The following C20orf203 variants were observed in gnomAD, a reference collection of about 807,000 sequenced individuals.
C20orf203 encodes uncharacterized protein C20orf203.
In C20orf203, 16 loss-of-function variants were observed where a neutral mutation model predicts 15.9. The observed-to-expected ratio is 1.01, with a 90% CI of 0.68 to 1.53. The LOEUF (loss-of-function observed/expected upper bound fraction) is 1.53. C20orf203 is among the 40% of genes most tolerant of loss of function. C20orf203 has a pLI of 0.00. For missense variants in C20orf203, 263 were observed against 247.5 expected (o/e 1.06, Z -0.42); for synonymous variants, 98 against 97.2 (o/e 1.01, Z -0.05).
rs1485353419 is a variant in C20orf203 at position 32,632,634 on chromosome 20, C to T, written c.*2936G>A. ...TCCACAGCAGTACACGGGACCGCCTCGTTCTTTTTCATGCCTAGAATTCCA... is the reference window on the plus strand; with the variant it reads ...TCCACAGCAGTACACGGGACCGCCTTGTTCTTTTTCATGCCTAGAATTCCA... On this transcript the variant is annotated 3_prime_UTR_variant, in exon 6 of 6. Coordinates refer to ENST00000608990, the MANE Select transcript of C20orf203 (RefSeq NM_182584.4). 2.0e-5 allele frequency: 3 copies of T among 152,124 alleles called. No individual in the cohort carries two copies. Among genetic ancestry groups the T allele is most frequent in the Admixed American group, 6.5e-5 (1 of 15,276 alleles). The allele number at this position is 152,124 out of a possible 1,614,324, so 9.4% of individuals were successfully genotyped here.
chr20:32,646,175 A>ATTTTTTTTTTTTTTTTTTTTTTTTTTTT (rs555458436), intron 4 of C20orf203, among the ~76,000 whole-genome samples: 1 of 105,912 alleles, frequency 9.4e-6, no homozygotes, highest in Non-Finnish European at 2.0e-5. Context: ...CTTGATCCCA[A>ATTTTTTTTTTTTTTTTTTTTTTTTTTTT]TTTTTTTTTT....
rs947254929 is a variant in C20orf203, at chr20:32,631,782, G to A, written c.*3788C>T. The A allele has an allele frequency of 6.6e-5, 10 of 152,242 alleles. No individual in the cohort carries two copies. The highest frequency in any genetic ancestry group is 2.6e-4 in the Admixed American group (4 of 15,288). The allele number at this position is 152,242 out of a possible 1,614,324, so 9.4% of individuals were successfully genotyped here. On this transcript the variant is annotated 3_prime_UTR_variant, in exon 6 of 6. Coordinates refer to ENST00000608990, the MANE Select transcript of C20orf203 (RefSeq NM_182584.4). ...GAGCCTGAAGCAGGGCTCAGTCTGG[G>A]CGCTCATAAGAGGCAGGGTCTGTGG...
intron 1 of C20orf203, among the ~76,000 whole-genome samples, chr20:32,669,584 T>A (rs1983114106): frequency 6.6e-6 from 1 of 152,112 alleles, no homozygotes; most frequent in Non-Finnish European, 1.5e-5. Context: ...AAACGACAAA[T>A]GGTGCTGGAA....
intron 5 of C20orf203, among the ~76,000 whole-genome samples, chr20:32,636,152 G>A (rs139071902): frequency 0.01 from 1,549 of 152,276 alleles, 33 homozygotes; most frequent in African/African-American, 0.034. Flanking sequence ...TGAGCTGCTG[G>A]GGGAAGGACC....
intron 1 of C20orf203, among the ~76,000 whole-genome samples, chr20:32,663,649 A>C (rs980319916): frequency 6.6e-6 from 1 of 152,264 alleles, no homozygotes; most frequent in Admixed American, 6.5e-5. Flanking sequence ...ATTTATAATT[A>C]GACATAAACC....
At chr20:32,660,743 G>A (rs1302332328) in intron 1 of C20orf203, among the ~76,000 whole-genome samples, 1 of 152,108 alleles carries the variant, frequency 6.6e-6, no homozygotes, top group Non-Finnish European at 1.5e-5. Flanking sequence ...AATTTATAAA[G>A]GAAAGAGGTT....
chr20:32,636,483 C>T (rs1982141989), intron 5 of C20orf203, among the ~76,000 whole-genome samples: 1 of 152,180 alleles, frequency 6.6e-6, no homozygotes, highest in African/African-American at 2.4e-5. Flanking sequence ...CAGCAAAGCG[C>T]TGGCCTTTCT....
At chr20:32,662,947 A>T (rs1982928675) in intron 1 of C20orf203, among the ~76,000 whole-genome samples, 2 of 139,936 alleles carry the variant, frequency 1.4e-5, no homozygotes, top group African/African-American at 2.7e-5. Flanking sequence ...ATAGATATAA[A>T]TATAGTTTTT....
At chr20:32,670,161 G>T (rs2145684029) in intron 1 of C20orf203, among the ~76,000 whole-genome samples, 1 of 152,186 alleles carries the variant, frequency 6.6e-6, no homozygotes, top group South Asian at 2.1e-4. Context: ...AATGAGCCGA[G>T]ATTGAGCCAC....
At chr20:32,661,119 G>A (rs73251632) in intron 1 of C20orf203, among the ~76,000 whole-genome samples, 2,776 of 152,256 alleles carry the variant, frequency 0.018, 85 homozygotes, top group African/African-American at 0.063. Flanking sequence ...CCCACTGTGC[G>A]GGAGGCGGCA....
chr20:32,645,786 A>G (rs1461058022), intron 4 of C20orf203, among the ~76,000 whole-genome samples: 1 of 152,230 alleles, frequency 6.6e-6, no homozygotes, highest in Admixed American at 6.5e-5. Flanking sequence ...TACTTGCCCA[A>G]GGCCACACAG....
intron 1 of C20orf203, among the ~76,000 whole-genome samples, chr20:32,660,111 C>T (rs981573851): frequency 6.6e-6 from 1 of 152,150 alleles, no homozygotes; most frequent in Non-Finnish European, 1.5e-5. Context: ...GGGGACTACA[C>T]CTCTGGGGCA....
At chr20:32,663,670 G>C (rs1982949883) in intron 1 of C20orf203, among the ~76,000 whole-genome samples, 1 of 152,230 alleles carries the variant, frequency 6.6e-6, no homozygotes, top group African/African-American at 2.4e-5. Context: ...AAAAAAGCAT[G>C]AGTTGGGCTG....
chr20:32,664,500 C>T (rs1982972084), intron 1 of C20orf203, among the ~76,000 whole-genome samples: 1 of 152,236 alleles, frequency 6.6e-6, no homozygotes. Flanking sequence ...CTGCCCTCCT[C>T]CTGGGCTATT....
At chr20:32,646,600 T>C (rs1346279695) in intron 4 of C20orf203, among the ~76,000 whole-genome samples, 1 of 152,160 alleles carries the variant, frequency 6.6e-6, no homozygotes, top group Non-Finnish European at 1.5e-5. Flanking sequence ...AAGATGGGGC[T>C]GTCTAGGCTG....
chr20:32,641,253 T>G (rs1354390181), intron 4 of C20orf203, among the ~76,000 whole-genome samples: 6 of 149,560 alleles, frequency 4.0e-5, no homozygotes, highest in African/African-American at 1.5e-4. Context: ...AAGGATCACT[T>G]GAGCCTGAGG....
chr20:32,647,395 C>CA (rs1181319264), intron 4 of C20orf203, among the ~76,000 whole-genome samples: 35,646 of 93,712 alleles, frequency 0.38, 5,329 homozygotes, highest in Middle Eastern at 0.51. Flanking sequence ...AACTCCGTCT[C>CA]AAAAAAAAAA....
chr20:32,652,233 T>C (rs1982647537), intron 1 of C20orf203, among the ~76,000 whole-genome samples: 1 of 135,806 alleles, frequency 7.4e-6, no homozygotes, highest in Non-Finnish European at 1.5e-5. Flanking sequence ...CACTTGAACC[T>C]GGTGGGGCAG....
At chr20:32,669,568 A>G (rs1983113550) in intron 1 of C20orf203, among the ~76,000 whole-genome samples, 1 of 152,250 alleles carries the variant, frequency 6.6e-6, no homozygotes. Flanking sequence ...GAAGGCCCTT[A>G]GAACCAAACG....
Sources: gnomAD v4.1 joint callset for allele counts (sites outside exome capture counted in the v4.1 genomes callset) on GRCh38, gnomAD v4.1.1 for gene constraint, MANE v1.5 for transcripts, NCBI Gene and HGNC (gene_info 2026-07-23, HGNC 2026-07-21) for gene names.